The following DDHD1 variants were observed in gnomAD, a reference collection of about 807,000 sequenced individuals.
The protein encoded by DDHD1 is phospholipase DDHD1.
In DDHD1, 49 loss-of-function variants were observed where a neutral mutation model predicts 96.4. That is an observed-to-expected ratio of 0.51 (90% confidence interval 0.40 to 0.64). The LOEUF is 0.64. DDHD1 is among the 30% of genes least tolerant of loss of function. DDHD1 has a pLI of 0.00. For missense variants in DDHD1, 1,106 were observed against 1,161.2 expected, an observed-to-expected ratio of 0.95 and a Z score of 0.69; for synonymous variants, 442 against 446.5, an observed-to-expected ratio of 0.99 and a Z score of 0.13.
chr14:53,039,140 G>A lies in DDHD1; in HGVS notation c.*7628C>T, dbSNP rs1190157080. 1 of 152,208 alleles carries A rather than the reference G, an allele frequency of 6.6e-6. No homozygotes were observed. The highest frequency in any genetic ancestry group is 1.5e-5 in the Non-Finnish European group (1 of 68,038). 9.4% of individuals were successfully genotyped at this position (152,208 alleles called of 1,614,324 possible). A position where few individuals can be genotyped will look rare whatever the true frequency, so the allele number is the denominator to read the frequency against. ...CAAATAAAAGTACAACTGATCTGGA[G>A]GTGATACTTGCTTCAGTTCTCCAGG... is the stretch of plus-strand genomic sequence containing the variant. On this transcript the variant is annotated 3_prime_UTR_variant, in exon 13 of 13. Coordinates refer to ENST00000673822, the MANE Select transcript of DDHD1 (RefSeq NM_001160148.2).
At position 53,073,988 on chromosome 14, in the gene DDHD1, A is replaced by C. The variant is rs554358996; in HGVS notation, c.1290-141T>G. On this transcript the variant is annotated intron_variant, in intron 4 of 12. Coordinates refer to ENST00000673822, the MANE Select transcript of DDHD1 (RefSeq NM_001160148.2). ...GTCCAGTTACATTCCAGTGACTACC[A>C]CACTAAACAAGTCTGCAATACTAGG... The C allele has an allele frequency of 4.2e-4, 277 of 652,958 alleles. 2 individuals are homozygous for C. The highest frequency in any genetic ancestry group is 2.6e-3 in the Middle Eastern group (6 of 2,284). The allele number at this position is 652,958 out of a possible 1,614,324, so 40.4% of individuals were successfully genotyped here.
intron 2 of DDHD1, among the ~76,000 whole-genome samples, chr14:53,094,121 G>A (rs1275898574): frequency 6.6e-6 from 1 of 151,732 alleles, no homozygotes. Context: ...AGCTTGCAGT[G>A]AGCCGAGATC....
chr14:53,085,341 A>C (rs1363049136), intron 4 of DDHD1, among the ~76,000 whole-genome samples: 2 of 152,140 alleles, frequency 1.3e-5, no homozygotes, highest in Non-Finnish European at 2.9e-5. Flanking sequence ...CCTGACCCCT[A>C]TGCAGCCTAA....
chr14:53,108,193 G>A (rs1887840795), intron 1 of DDHD1, among the ~76,000 whole-genome samples: 1 of 152,192 alleles, frequency 6.6e-6, no homozygotes, highest in Non-Finnish European at 1.5e-5. Flanking sequence ...ATCCGGCAGG[G>A]TGTCTGCTGT....
At chr14:53,119,967 A>G (rs1888856448) in intron 1 of DDHD1, among the ~76,000 whole-genome samples, 1 of 152,206 alleles carries the variant, frequency 6.6e-6, no homozygotes, top group Admixed American at 6.5e-5. Flanking sequence ...ATCAGACAAG[A>G]GAAAGAAATA....
intron 6 of DDHD1, among the ~76,000 whole-genome samples, chr14:53,068,219 C>T (rs1198623737): frequency 1.3e-5 from 2 of 150,736 alleles, no homozygotes; most frequent in Non-Finnish European, 2.9e-5. Context: ...GAACATTTTC[C>T]GCAGCCACTC....
intron 6 of DDHD1, among the ~76,000 whole-genome samples, chr14:53,065,414 TA>T (rs11326143): frequency 0.071 from 10,771 of 152,254 alleles, 977 homozygotes; most frequent in African/African-American, 0.21. Context: ...TAAAAGCTAT[TA>T]AAAAGAGAGT....
intron 6 of DDHD1, among the ~76,000 whole-genome samples, chr14:53,064,945 C>T (rs532061388): frequency 6.6e-6 from 1 of 152,050 alleles, no homozygotes. Context: ...TTTCCTTCTC[C>T]TTTCTGATCC....
chr14:53,152,841 G>C lies in DDHD1; in HGVS notation c.258C>G (p.Asp86Glu). The stretch of plus-strand genomic sequence containing the variant: ...CGGCGGAGCTGAAGTCATAGTTCTC[G>C]TCACTGAGGCAGGGGTCCAGCGCGA... ...HHLALDPCLS[D>E]ENYDFSSAES... Residue 86 changes from aspartate (D) to glutamate (E), a missense_variant, in exon 1 of 13, where the codon GAC becomes GAG. Asp to Glu is a conservative substitution (Grantham distance 45). Transcript: ENST00000673822. 6.2e-7 allele frequency: 1 copy of C among 1,612,418 alleles called. No individual in the cohort carries two copies. Among genetic ancestry groups the C allele is most frequent in the Non-Finnish European group, 8.5e-7 (1 of 1,179,412 alleles).
At chr14:53,047,129 G>T (rs910577512) in intron 12 of DDHD1, among the ~76,000 whole-genome samples, 180 bp from the exon 13 acceptor site, 8 of 152,098 alleles carry the variant, frequency 5.3e-5, no homozygotes, top group Middle Eastern at 3.4e-3. Flanking sequence ...CAGTAGTACA[G>T]GATTCTATTT....
chr14:53,103,148 G>T, intron 2 of DDHD1: 1 of 1,224,042 alleles, frequency 8.2e-7, no homozygotes, highest in Non-Finnish European at 1.2e-6. Flanking sequence ...GGCAATCTTA[G>T]CTACTATACA....
chr14:53,091,800 A>G lies in DDHD1; in HGVS notation c.1274T>C (p.Ile425Thr). The G allele has an allele frequency of 6.2e-7, 1 of 1,612,850 alleles. No homozygotes were observed. The highest frequency in any genetic ancestry group is 1.1e-5 in the South Asian group (1 of 90,886). ...IGQKMDQGRI[I>T]KNTAMMREAA... is the part of the protein sequence containing the mutation. ...AAGAACTTACATAGCTGTATTTTTG[A>G]TAATTCTTCCTTGGTCCATTTTCTG... Residue 425 changes from isoleucine to threonine, a missense_variant, in exon 4 of 13, where the codon ATC (isoleucine) becomes ACC (threonine). Ile to Thr is a moderately conservative substitution (Grantham distance 89). Transcript: ENST00000673822.
At chr14:53,096,475 CTT>C (rs1440585385) in intron 2 of DDHD1, among the ~76,000 whole-genome samples, 1 of 151,954 alleles carries the variant, frequency 6.6e-6, no homozygotes, top group Non-Finnish European at 1.5e-5. Context: ...TGTTTAATGT[CTT>C]TGCATAGAAA....
intron 4 of DDHD1, among the ~76,000 whole-genome samples, chr14:53,088,927 G>T (rs1005751553): frequency 2.6e-5 from 4 of 152,140 alleles, no homozygotes; most frequent in African/African-American, 7.2e-5. Flanking sequence ...AAACCCCATT[G>T]TCTCAGCCCA....
chr14:53,124,249 T>G (rs200127958), intron 1 of DDHD1, among the ~76,000 whole-genome samples: 1 of 146,430 alleles, frequency 6.8e-6, no homozygotes, highest in Non-Finnish European at 1.5e-5. Context: ...AAAAAAAAAA[T>G]TATATATATA....
intron 1 of DDHD1, among the ~76,000 whole-genome samples, chr14:53,128,682 C>T (rs975815871): frequency 2.0e-5 from 3 of 152,160 alleles, no homozygotes; most frequent in South Asian, 2.1e-4. Flanking sequence ...CAAAAAAGGG[C>T]CAGAAGCCAA....
At position 53,119,764 on chromosome 14, in the gene DDHD1, T is replaced by TA. The variant is rs1356272936; in HGVS notation, c.839-15909dup. Among the ~76,000 whole-genome samples, 6 of 152,314 alleles carry TA rather than the reference T, an allele frequency of 3.9e-5. No homozygotes were observed. In the East Asian group the frequency reaches 1.2e-3, roughly 29 times the overall value. The stretch of plus-strand genomic sequence containing the variant: ...GATAAAATTCAACATAACTTCATGC[T>TA]AAAAACTCTCAATAAACTAGGTATC... On this transcript the variant is annotated intron_variant, in intron 1 of 12. Transcript: ENST00000673822.
intron 2 of DDHD1, among the ~76,000 whole-genome samples, chr14:53,101,916 G>GA (rs543147936): frequency 2.5e-4 from 36 of 144,972 alleles, no homozygotes; most frequent in East Asian, 4.0e-4. Context: ...TTAGCAAATG[G>GA]AAAAAAAAAA....
At chr14:53,073,473 C>T (rs1884700107) in intron 5 of DDHD1, among the ~76,000 whole-genome samples, 1 of 151,992 alleles carries the variant, frequency 6.6e-6, no homozygotes, top group Non-Finnish European at 1.5e-5. Context: ...TATATCCCTC[C>T]ACCTGCCACA....
Sources: allele counts gnomAD v4.1 joint callset (sites outside exome capture counted in the v4.1 genomes callset), GRCh38; gene constraint gnomAD v4.1.1; transcripts MANE v1.5; gene names NCBI Gene and HGNC (gene_info 2026-07-23, HGNC 2026-07-21).